The following KCNMB1 variants were observed in gnomAD, a reference collection of about 807,000 sequenced individuals.
KCNMB1 encodes the protein potassium calcium-activated channel subfamily M regulatory beta subunit 1.
Under a neutral mutation model 21.7 loss-of-function variants are expected in KCNMB1, and 22 were observed. The observed-to-expected ratio is 1.01, with a 90% CI of 0.72 to 1.45. KCNMB1 has a LOEUF of 1.45. Ranked by LOEUF, KCNMB1 falls within the 40% of genes most tolerant of loss-of-function variation. The pLI is 0.00. For missense variants in KCNMB1, 243 were observed against 243.4 expected, an observed-to-expected ratio of 1.00 and a Z score of 0.01; for synonymous variants, 114 against 107.6, an observed-to-expected ratio of 1.06 and a Z score of -0.37.
At chr5:170,380,842 T>C (rs314160) in intron 3 of KCNMB1, among the ~76,000 whole-genome samples, 14,904 of 152,240 alleles carry the variant, frequency 0.098, 790 homozygotes, top group Middle Eastern at 0.16. Context: ...CCTTGGCAAC[T>C]GCCACAACCT....
intron 2 of KCNMB1, among the ~76,000 whole-genome samples, chr5:170,384,582 C>A (rs1764388570): frequency 6.6e-6 from 1 of 152,202 alleles, no homozygotes; most frequent in Admixed American, 6.5e-5. Context: ...CCCAAGTATC[C>A]TGTGGGAGAC....
At chr5:170,387,096 T>C (rs1000880052) in intron 1 of KCNMB1, among the ~76,000 whole-genome samples, 29 of 152,162 alleles carry the variant, frequency 1.9e-4, no homozygotes, top group African/African-American at 6.8e-4. Context: ...TTATTTGCTG[T>C]TGTTTTTATT....
At chr5:170,379,040 G>A (rs927253326) in intron 3 of KCNMB1, 67 bp from the exon 4 acceptor site, 1 of 1,550,172 alleles carries the variant, frequency 6.5e-7, no homozygotes, top group African/African-American at 1.4e-5. Flanking sequence ...GGCTTGATAT[G>A]GAGTAAAGAA....
At chr5:170,385,211 A>C (rs1764414869) in intron 2 of KCNMB1, 103 bp downstream of exon 2, 2 of 1,287,016 alleles carry the variant, frequency 1.6e-6, no homozygotes, top group East Asian at 4.7e-5. Context: ...TGCTGCCTTG[A>C]ATGAGGGTCA....
In KCNMB1 at chr5:170,377,138, C is replaced by T. The variant is rs1350477568; in HGVS notation, c.*1566G>A. ...CTTCACACCCAGCTCAGGACTGGCC[C>T]TGCCGAATGGTCACTCACCTGCTCT... On this transcript the variant is annotated 3_prime_UTR_variant, in exon 4 of 4. Transcript: ENST00000274629. 6.6e-6 allele frequency: 1 copy of T among 152,332 alleles called. No individual in the cohort carries two copies. Among genetic ancestry groups the T allele is most frequent in the East Asian group, 1.9e-4 (1 of 5,202 alleles). The allele number at this position is 152,332 out of a possible 1,614,324, so 9.4% of individuals were successfully genotyped here. A position where few individuals can be genotyped will look rare whatever the true frequency, so the allele number is the denominator to read the frequency against.
At chr5:170,384,557 A>C (rs1357804139) in intron 2 of KCNMB1, among the ~76,000 whole-genome samples, 4 of 152,228 alleles carry the variant, frequency 2.6e-5, no homozygotes, top group Non-Finnish European at 5.9e-5. Context: ...TTAGTAAATC[A>C]GTTGTGCTTC....
intron 1 of KCNMB1, among the ~76,000 whole-genome samples, chr5:170,386,141 C>CA (rs1222083071): frequency 1.5e-4 from 22 of 150,278 alleles, no homozygotes; most frequent in African/African-American, 4.7e-4. Context: ...AAACAAAAAA[C>CA]AAAAAAAGAT....
At chr5:170,379,039 T>G in intron 3 of KCNMB1, 66 bp from the exon 4 acceptor site, 2 of 1,555,372 alleles carry the variant, frequency 1.3e-6, no homozygotes, top group African/African-American at 1.4e-5. Flanking sequence ...GGGCTTGATA[T>G]GGAGTAAAGA....
intron 3 of KCNMB1, among the ~76,000 whole-genome samples, chr5:170,379,841 A>G (rs567913755): frequency 1.9e-4 from 29 of 152,178 alleles, no homozygotes; most frequent in African/African-American, 7.0e-4. Context: ...AGTCCCAGCT[A>G]CACAGGAGAC....
intron 3 of KCNMB1, among the ~76,000 whole-genome samples, chr5:170,381,189 C>A (rs1220912619): frequency 2.6e-5 from 4 of 152,142 alleles, no homozygotes; most frequent in Admixed American, 2.6e-4. Context: ...GGCAGGAATT[C>A]ACTCTTCATG....
rs1370688830 is a variant in KCNMB1 at position 170,378,011 on chromosome 5, T to C, written c.*693A>G. On this transcript the variant is annotated 3_prime_UTR_variant, in exon 4 of 4. Coordinates refer to ENST00000274629, the MANE Select transcript of KCNMB1 (RefSeq NM_004137.4). Reference sequence around the variant, plus strand: ...TTCCAAAATGGCATCTACCATGGCTTTTCTGATTAAAAGCAAACGAAACAC... The same window carrying C: ...TTCCAAAATGGCATCTACCATGGCTCTTCTGATTAAAAGCAAACGAAACAC... 5 of 152,132 alleles carry C rather than the reference T, an allele frequency of 3.3e-5. No individual in the cohort carries two copies. The highest frequency in any genetic ancestry group is 5.9e-5 in the Non-Finnish European group (4 of 68,036). The allele number at this position is 152,132 out of a possible 1,614,324, so 9.4% of individuals were successfully genotyped here. A position where few individuals can be genotyped will look rare whatever the true frequency, so the allele number is the denominator to read the frequency against.
At position 170,378,382 on chromosome 5, in the gene KCNMB1, C is replaced by A. The variant is rs558443995; in HGVS notation, c.*322G>T. 3.9e-6 allele frequency: 1 copy of A among 258,462 alleles called. No individual in the cohort carries two copies. The highest frequency in any genetic ancestry group is 7.3e-6 in the Non-Finnish European group (1 of 136,826). 16.0% of individuals were successfully genotyped at this position (258,462 alleles called of 1,614,324 possible). A position where few individuals can be genotyped will look rare whatever the true frequency, so the allele number is the denominator to read the frequency against. ...AGGGAGAACTCAGGCACAGAGGTGACGATCATCGTTCTCTGTGGGGCACAT... is the reference window on the plus strand; with the variant it reads ...AGGGAGAACTCAGGCACAGAGGTGAAGATCATCGTTCTCTGTGGGGCACAT... On this transcript the variant is annotated 3_prime_UTR_variant, in exon 4 of 4. Transcript: ENST00000274629.
At chr5:170,385,217 G>A (rs1415997828) in intron 2 of KCNMB1, 97 bp downstream of exon 2, 1 of 1,330,696 alleles carries the variant, frequency 7.5e-7, no homozygotes, top group African/African-American at 1.4e-5. Flanking sequence ...CTTGAATGAG[G>A]GTCAAGGAGA....
chr5:170,383,595 G>T, intron 3 of KCNMB1, 84 bp downstream of exon 3: 1 of 1,483,134 alleles, frequency 6.7e-7, no homozygotes, highest in Non-Finnish European at 9.3e-7. Context: ...ATCTTTCTCA[G>T]CCTCGGGGAC....
At chr5:170,382,376 T>A (rs931708850) in intron 3 of KCNMB1, among the ~76,000 whole-genome samples, 2 of 152,202 alleles carry the variant, frequency 1.3e-5, no homozygotes, top group Non-Finnish European at 1.5e-5. Flanking sequence ...TAGCCAAAGT[T>A]GACATATCTT....
At chr5:170,385,966 A>T (rs962958767) in intron 1 of KCNMB1, among the ~76,000 whole-genome samples, 3 of 151,874 alleles carry the variant, frequency 2.0e-5, no homozygotes, top group African/African-American at 7.3e-5. Flanking sequence ...AAAAAAAAAA[A>T]ATACAAAAAA....
At chr5:170,385,819 T>A (rs963031404) in intron 1 of KCNMB1, among the ~76,000 whole-genome samples, 4 of 152,028 alleles carry the variant, frequency 2.6e-5, no homozygotes, top group Non-Finnish European at 5.9e-5. Context: ...CAGAAATGAT[T>A]AAGATAAAGG....
At chr5:170,382,077 T>A (rs1362891331) in intron 3 of KCNMB1, among the ~76,000 whole-genome samples, 2 of 152,102 alleles carry the variant, frequency 1.3e-5, no homozygotes, top group Non-Finnish European at 2.9e-5. Flanking sequence ...AAGTCCGGAC[T>A]GTCAGCATCT....
chr5:170,388,621 C>T (rs1010640683), intron 1 of KCNMB1, among the ~76,000 whole-genome samples: 2 of 152,132 alleles, frequency 1.3e-5, no homozygotes, highest in African/African-American at 2.4e-5. Flanking sequence ...ATAGCTGGGT[C>T]GACATCCTTT....
Sources: gnomAD v4.1 joint callset for allele counts (sites outside exome capture counted in the v4.1 genomes callset) on GRCh38, gnomAD v4.1.1 for gene constraint, MANE v1.5 for transcripts, NCBI Gene and HGNC (gene_info 2026-07-23, HGNC 2026-07-21) for gene names.